The following NBEA variants were observed in gnomAD, a reference collection of about 807,000 sequenced individuals.
NBEA encodes neurobeachin.
In NBEA, 44 loss-of-function variants were observed where a neutral mutation model predicts 343.4. The ratio of observed to expected loss-of-function variants is 0.13; its 90% CI spans 0.10 to 0.16. The LOEUF (loss-of-function observed/expected upper bound fraction) is 0.16. Among genes scored for constraint, NBEA ranks in the 10% least tolerant of loss-of-function variants. The pLI is 1.00. For synonymous variants in NBEA, 1,175 were observed against 1,238.7 expected, an observed-to-expected ratio of 0.95 and a Z score of 1.08; for missense variants, 2,555 against 3,631.3, an observed-to-expected ratio of 0.70 and a Z score of 7.62.
At chr13:35,152,809 A>T (rs1266615086) in intron 18 of NBEA, among the ~76,000 whole-genome samples, 1 of 152,054 alleles carries the variant, frequency 6.6e-6, no homozygotes, top group African/African-American at 2.4e-5. Flanking sequence ...ATGTGCTCTA[A>T]GTGTTAAATA....
intron 55 of NBEA, among the ~76,000 whole-genome samples, chr13:35,660,224 A>G (rs1240464444): frequency 6.6e-6 from 1 of 152,224 alleles, no homozygotes; most frequent in South Asian, 2.1e-4. Flanking sequence ...TCTCTTCAAC[A>G]GACACTCAAA....
intron 23 of NBEA, among the ~76,000 whole-genome samples, chr13:35,162,536 CCTTCCTCTT>C (rs1484301296): frequency 3.3e-5 from 5 of 152,078 alleles, no homozygotes; most frequent in African/African-American, 1.2e-4. Context: ...GACTCTTCTT[CCTTCCTCTT>C]CTTCCTGTTT....
intron 3 of NBEA, 99 bp from the exon 4 acceptor site, chr13:35,045,207 T>C: frequency 8.3e-7 from 1 of 1,210,752 alleles, no homozygotes; most frequent in Non-Finnish European, 1.1e-6. Flanking sequence ...AAATTAATTT[T>C]TCTCTCTAGT....
At chr13:35,171,213 T>A in intron 25 of NBEA, 59 bp from the exon 26 acceptor site, 2 of 1,274,080 alleles carry the variant, frequency 1.6e-6, no homozygotes, top group South Asian at 2.5e-5. Flanking sequence ...TATGTATATG[T>A]ATTATATTTC....
At chr13:35,469,383 T>G (rs1827404599) in intron 40 of NBEA, among the ~76,000 whole-genome samples, 1 of 152,152 alleles carries the variant, frequency 6.6e-6, no homozygotes, top group South Asian at 2.1e-4. Flanking sequence ...CTTGGGCGGT[T>G]TTTGTTCTAG....
chr13:35,016,330 TA>T (rs2061656430), intron 1 of NBEA, among the ~76,000 whole-genome samples: 1 of 152,202 alleles, frequency 6.6e-6, no homozygotes, highest in South Asian at 2.1e-4. Context: ...AGTTTTATGG[TA>T]AAAATGGAGT....
chr13:35,568,391 G>A (rs1025725806), intron 45 of NBEA, among the ~76,000 whole-genome samples: 7 of 152,162 alleles, frequency 4.6e-5, no homozygotes, highest in African/African-American at 1.7e-4. Context: ...ATTCTAATAC[G>A]CTTGCAAATA....
chr13:35,600,424 C>G (rs749419583), intron 47 of NBEA, among the ~76,000 whole-genome samples: 1 of 152,054 alleles, frequency 6.6e-6, no homozygotes, highest in Non-Finnish European at 1.5e-5. Context: ...TCTGAACTGT[C>G]TACATAGCTA....
At chr13:34,980,613 A>G (rs1159465385) in intron 1 of NBEA, among the ~76,000 whole-genome samples, 4 of 151,992 alleles carry the variant, frequency 2.6e-5, no homozygotes, top group Admixed American at 2.6e-4. Context: ...GCCTTGTTGA[A>G]TGGGTACCCT....
At chr13:35,394,432 T>TA (rs1303236851) in intron 38 of NBEA, among the ~76,000 whole-genome samples, 1 of 152,148 alleles carries the variant, frequency 6.6e-6, no homozygotes, top group Non-Finnish European at 1.5e-5. Context: ...ACTTAAGTGT[T>TA]ACAGTAAAGC....
intron 30 of NBEA, among the ~76,000 whole-genome samples, chr13:35,189,361 A>G (rs904665291): frequency 5.3e-5 from 8 of 151,910 alleles, no homozygotes; most frequent in African/African-American, 1.5e-4. Flanking sequence ...TATTCAAGTT[A>G]TTTGCCTATG....
At chr13:35,512,004 A>G (rs1015366935) in intron 41 of NBEA, among the ~76,000 whole-genome samples, 5 of 152,218 alleles carry the variant, frequency 3.3e-5, no homozygotes, top group Non-Finnish European at 7.3e-5. Flanking sequence ...GTTTGCTTAA[A>G]GTATGTTTTG....
At chr13:35,155,318 G>A (rs1023107911) in intron 18 of NBEA, among the ~76,000 whole-genome samples, 31 of 151,826 alleles carry the variant, frequency 2.0e-4, no homozygotes, top group African/African-American at 7.5e-4. Context: ...GAAGTATGTG[G>A]AATTCATTAA....
intron 34 of NBEA, among the ~76,000 whole-genome samples, chr13:35,246,912 G>C (rs1359019321): frequency 6.6e-6 from 1 of 152,128 alleles, no homozygotes; most frequent in Non-Finnish European, 1.5e-5. Context: ...ACCATCAGGT[G>C]GGGGCAGGGT....
intron 17 of NBEA, among the ~76,000 whole-genome samples, chr13:35,126,511 G>T (rs373855310): frequency 6.6e-6 from 1 of 151,998 alleles, no homozygotes; most frequent in Non-Finnish European, 1.5e-5. Context: ...TAGTAGCATA[G>T]TGAAATACAC....
intron 36 of NBEA, among the ~76,000 whole-genome samples, chr13:35,346,131 C>A (rs371369962): frequency 6.6e-6 from 1 of 152,088 alleles, no homozygotes; most frequent in East Asian, 1.9e-4. Flanking sequence ...CCTCCACCCC[C>A]ACAGCCATGC....
chr13:35,628,241 T>A lies in NBEA; in HGVS notation c.7610T>A (p.Leu2537His). 1 of 1,599,054 alleles carries A rather than the reference T, an allele frequency of 6.3e-7. No homozygotes were observed. Among genetic ancestry groups the A allele is most frequent in the Non-Finnish European group, 8.5e-7 (1 of 1,173,560 alleles). ...VNLDSITDPV[L>H]REIPEAYFIR... ...CTGGATAGTATCACTGATCCTGTGCTCAGGGAGGTAGGTGTTAAATCCCAT... is the reference window on the plus strand; with the variant it reads ...CTGGATAGTATCACTGATCCTGTGCACAGGGAGGTAGGTGTTAAATCCCAT... Residue 2537 changes from leucine (L) to histidine (H), a missense_variant, in exon 49 of 59, where the codon CTC becomes CAC. Transcript: ENST00000379939.
At chr13:35,389,112 G>A (rs1246272788) in intron 38 of NBEA, among the ~76,000 whole-genome samples, 1 of 150,104 alleles carries the variant, frequency 6.7e-6, no homozygotes, top group Non-Finnish European at 1.5e-5. Context: ...GCCTCTTGCT[G>A]TTCACAGCCG....
At chr13:35,514,816 G>T (rs1208066393) in intron 41 of NBEA, among the ~76,000 whole-genome samples, 1 of 152,132 alleles carries the variant, frequency 6.6e-6, no homozygotes, top group Non-Finnish European at 1.5e-5. Context: ...TTCCAGTAGG[G>T]TAAGAGGTTA....
Sources: gnomAD v4.1 joint callset for allele counts (sites outside exome capture counted in the v4.1 genomes callset) on GRCh38, gnomAD v4.1.1 for gene constraint, MANE v1.5 for transcripts, NCBI Gene and HGNC (gene_info 2026-07-23, HGNC 2026-07-21) for gene names.